PCYT1B: variants seen among roughly 807,000 people sequenced by gnomAD.
PCYT1B encodes phosphate cytidylyltransferase 1B, choline, also known as choline-phosphate cytidylyltransferase B.
Under a neutral mutation model 26.4 loss-of-function variants are expected in PCYT1B, and 10 were observed. The ratio of observed to expected loss-of-function variants is 0.38; its 90% CI spans 0.23 to 0.64. The LOEUF (loss-of-function observed/expected upper bound fraction) is 0.64. PCYT1B is among the 30% of genes least tolerant of loss of function. The pLI, the probability that PCYT1B is intolerant of heterozygous loss-of-function variation, is 0.56. For synonymous variants in PCYT1B, 131 were observed against 108.4 expected, an observed-to-expected ratio of 1.21 and a Z score of -1.29; for missense variants, 161 against 292.7, an observed-to-expected ratio of 0.55 and a Z score of 3.28.
chrX:24,587,402 T>C (rs1569241071), intron 4 of PCYT1B, 83 bp from the exon 5 acceptor site: 1 of 604,470 alleles, frequency 1.7e-6, no homozygotes, highest in East Asian at 3.3e-5. Flanking sequence ...GGTGACTTCA[T>C]AATGCCTTTT....
intron 3 of PCYT1B, among the ~76,000 whole-genome samples, chrX:24,593,685 C>G (rs1228019733): frequency 9.2e-6 from 1 of 108,743 alleles, no homozygotes; most frequent in Non-Finnish European, 1.9e-5. Flanking sequence ...TGCCACCACA[C>G]CTGGCTAATT....
At chrX:24,623,543 A>G (rs954877455) in intron 1 of PCYT1B, among the ~76,000 whole-genome samples, 11 of 109,899 alleles carry the variant, frequency 1.0e-4, no homozygotes, top group African/African-American at 3.0e-4. Flanking sequence ...CTAGGTTGCA[A>G]TAAAACTTCT....
At chrX:24,642,164 C>T (rs771653026) in intron 1 of PCYT1B, among the ~76,000 whole-genome samples, 4 of 112,976 alleles carry the variant, frequency 3.5e-5, no homozygotes, top group South Asian at 3.6e-4. Flanking sequence ...TTCTATTAAA[C>T]GGAAATGCCC....
At chrX:24,581,597 C>A (rs956926705) in intron 5 of PCYT1B, among the ~76,000 whole-genome samples, 1 of 112,301 alleles carries the variant, frequency 8.9e-6, no homozygotes, top group African/African-American at 3.2e-5. Context: ...ACTCCCCTTC[C>A]CTCCAAATAC....
At chrX:24,587,519 T>C (rs1192955824) in intron 4 of PCYT1B, among the ~76,000 whole-genome samples, 200 bp from the exon 5 acceptor site, 1 of 112,398 alleles carries the variant, frequency 8.9e-6, no homozygotes, top group East Asian at 2.8e-4. Context: ...ACTAGAAGAA[T>C]AAATGTTTTG....
At chrX:24,573,213 G>A (rs1438846456) in intron 7 of PCYT1B, among the ~76,000 whole-genome samples, 1 of 109,184 alleles carries the variant, frequency 9.2e-6, no homozygotes, top group East Asian at 2.8e-4. Context: ...ACCCAGGCTG[G>A]AGTGTGGTGG....
chrX:24,651,465 AAAAAAAAATATATATATATATAT>A (rs1926765109), upstream of PCYT1B, among the ~76,000 whole-genome samples: 1 of 28,253 alleles, frequency 3.5e-5, no homozygotes, highest in African/African-American at 1.2e-4. Flanking sequence ...AAAAAAAAAA[AAAAAAAAATATATATATATATAT>A]ATATATATAT....
intron 1 of PCYT1B, among the ~76,000 whole-genome samples, chrX:24,661,571 A>G (rs1467499710): frequency 8.9e-6 from 1 of 111,879 alleles, no homozygotes; most frequent in East Asian, 2.8e-4. Context: ...TCTGAGGCCA[A>G]TTTACAGGAA....
upstream of PCYT1B, among the ~76,000 whole-genome samples, chrX:24,652,151 T>A (rs759718757): frequency 9.8e-5 from 11 of 112,573 alleles, no homozygotes; most frequent in African/African-American, 3.2e-4. Context: ...GTCAGATCAG[T>A]GCTGTCCCTA....
chrX:24,602,529 G>T (rs1029805944), intron 3 of PCYT1B, among the ~76,000 whole-genome samples: 1 of 111,277 alleles, frequency 9.0e-6, no homozygotes, highest in African/African-American at 3.3e-5. Context: ...GACTTGAGGT[G>T]ATAATGATGT....
At chrX:24,656,412 A>G (rs1400491669) in intron 1 of PCYT1B, among the ~76,000 whole-genome samples, 1 of 109,818 alleles carries the variant, frequency 9.1e-6, no homozygotes, top group Non-Finnish European at 1.9e-5. Context: ...CAGACCCAAC[A>G]TGACAAACCT....
chrX:24,670,048 A>G (rs372564516), intron 1 of PCYT1B, among the ~76,000 whole-genome samples: 14 of 58,087 alleles, frequency 2.4e-4, no homozygotes, highest in African/African-American at 4.9e-4. Flanking sequence ...GTCTCAAAAA[A>G]AAAGAAAGAA....
chrX:24,571,994 C>T (rs905342672), intron 7 of PCYT1B, among the ~76,000 whole-genome samples: 1 of 110,835 alleles, frequency 9.0e-6, no homozygotes, highest in Non-Finnish European at 1.9e-5. Context: ...TCCCTGGGGC[C>T]AGATGGGCTG....
intron 1 of PCYT1B, among the ~76,000 whole-genome samples, chrX:24,661,003 A>G (rs1345244775): frequency 9.0e-6 from 1 of 111,551 alleles, no homozygotes; most frequent in East Asian, 2.8e-4. Context: ...ATCATTTGAA[A>G]GTGTGAAGAT....
At chrX:24,579,878 T>G (rs1377266741) in intron 5 of PCYT1B, among the ~76,000 whole-genome samples, 1 of 112,237 alleles carries the variant, frequency 8.9e-6, no homozygotes, top group Admixed American at 9.5e-5. Context: ...TTATCTTTCA[T>G]TAACAAAAAT....
intron 6 of PCYT1B, 53 bp downstream of exon 6, chrX:24,579,263 G>A (rs1301818195): frequency 4.5e-6 from 5 of 1,114,539 alleles, no homozygotes; most frequent in Non-Finnish European, 6.1e-6. Flanking sequence ...AGCAGCACTG[G>A]TGGTGGTGGT....
At chrX:24,619,876 T>C (rs1018758949) in intron 1 of PCYT1B, among the ~76,000 whole-genome samples, 1 of 111,673 alleles carries the variant, frequency 9.0e-6, no homozygotes, top group Non-Finnish European at 1.9e-5. Context: ...TGGCCCTGCA[T>C]TTTTTAGTCA....
At chrX:24,600,072 T>C (rs780161185) in intron 3 of PCYT1B, among the ~76,000 whole-genome samples, 1 of 110,477 alleles carries the variant, frequency 9.1e-6, no homozygotes, top group African/African-American at 3.3e-5. Flanking sequence ...GCTAGTATTT[T>C]TGTATTTTTA....
At chrX:24,630,328 C>T (rs1240317412) in intron 1 of PCYT1B, among the ~76,000 whole-genome samples, 5 of 111,775 alleles carry the variant, frequency 4.5e-5, no homozygotes, top group Admixed American at 3.8e-4. Flanking sequence ...CAGAGTCTCG[C>T]TCTGTCACCC....
Sources: allele counts gnomAD v4.1 joint callset (sites outside exome capture counted in the v4.1 genomes callset), GRCh38; gene constraint gnomAD v4.1.1; transcripts MANE v1.5; gene names NCBI Gene and HGNC (gene_info 2026-07-23, HGNC 2026-07-21).